Variants in NLRP7 observed in about 807,000 individuals in gnomAD.
The protein encoded by NLRP7 is NACHT, LRR and PYD domains-containing protein 7.
NLRP7 carries 72 observed loss-of-function variants against 85.5 expected under a neutral mutation model. The observed-to-expected ratio is 0.84, with a 90% CI of 0.70 to 1.02. The LOEUF is 1.02. NLRP7 is among the 50% of genes least tolerant of loss of function. The pLI is 0.00. For missense variants in NLRP7, 1,243 were observed against 1,219.5 expected (o/e 1.02, Z -0.29); for synonymous variants, 550 against 505.2 (o/e 1.09, Z -1.19).
rs1295111262 is a variant in NLRP7 at position 54,934,233 on chromosome 19, A to G, written c.2471+256T>C. ...TGGGATTACAGGCATGAGCCACCGCACCCGGCCTGTTTTTGGTATTTTTAA... is the reference window on the plus strand; with the variant it reads ...TGGGATTACAGGCATGAGCCACCGCGCCCGGCCTGTTTTTGGTATTTTTAA... On this transcript the variant is annotated intron_variant, in intron 7 of 9. Transcript: ENST00000340844. This position sits in a 1 kb window ranked among gnomAD's most constrained non-coding sequence, Gnocchi z 6.7. Among the ~76,000 whole-genome samples, 1 of 151,650 alleles carries G rather than the reference A, an allele frequency of 6.6e-6. No individual in the cohort carries two copies. The highest frequency in any genetic ancestry group is 1.5e-5 in the Non-Finnish European group (1 of 67,928).
In NLRP7 at chr19:54,939,023, G is replaced by A. The variant is rs368863576; in HGVS notation, c.1796C>T (p.Thr599Ile). 35 of 1,614,098 alleles carry A rather than the reference G, an allele frequency of 2.2e-5. No individual in the cohort carries two copies. In the African/African-American group the frequency reaches 3.7e-4, roughly 17 times the overall value. ...ACAATGCATCACTTCAGAAGTATTT[G>A]TCAGGTGAATAGAAATTTCCTTGAA... The change falls in exon 4 of 10, where the codon ACA (threonine) becomes ATA (isoleucine). Residue 599 changes from threonine to isoleucine, a missense_variant. By Grantham distance (89) the Thr-to-Ile change is moderately conservative. Around this residue, in one of 3 missense-constraint regions of NLRP7, gnomAD observed 613 missense variants for 588.4 expected, o/e 1.04. Coordinates refer to ENST00000340844, the Ensembl canonical transcript of NLRP7.
intron 8 of NLRP7, among the ~76,000 whole-genome samples, chr19:54,931,222 G>C (rs555075606): frequency 6.6e-6 from 1 of 152,060 alleles, no homozygotes; most frequent in African/African-American, 2.4e-5. Flanking sequence ...AGGAGTTCAA[G>C]ACCAGCCTGG....
rs533979330 is a variant in NLRP7, at chr19:54,927,544, C to T, written c.2810+2955G>A. The stretch of plus-strand genomic sequence containing the variant: ...GCACTCCAGCCTGAATGACAGAGCA[C>T]GACTCCATCTCAAAAAAACAAAAAC... On this transcript the variant is annotated intron_variant, in intron 9 of 9. Transcript: ENST00000340844. The T allele has an allele frequency of 2.1e-4, 327 of 1,534,856 alleles. 3 individuals are homozygous for T. The South Asian group carries it at 2.8e-3, about 13-fold the overall frequency.
In NLRP7 at chr19:54,930,233, G is replaced by A. The variant is rs1052933986; in HGVS notation, c.2810+266C>T. Among the ~76,000 whole-genome samples the A allele has an allele frequency of 1.1e-4, 16 of 151,966 alleles. No individual in the cohort carries two copies. The East Asian group carries it at 1.2e-3, about 11-fold the overall frequency. Reference sequence around the variant, plus strand: ...TGTAATCCTAGCACATTGGGAGGCCGAGGTGGGAGGATTCCTTGAGCACCA... The same window carrying A: ...TGTAATCCTAGCACATTGGGAGGCCAAGGTGGGAGGATTCCTTGAGCACCA... On this transcript the variant is annotated intron_variant, in intron 9 of 9. Transcript: ENST00000340844.
chr19:54,925,529 T>C (rs190808413), intron 9 of NLRP7, among the ~76,000 whole-genome samples: 5 of 151,886 alleles, frequency 3.3e-5, no homozygotes, highest in African/African-American at 1.2e-4. Flanking sequence ...AAGTGGGCTG[T>C]GCACAGTGGC....
chr19:54,944,768 ATT>A (rs1407684585), intron 1 of NLRP7, among the ~76,000 whole-genome samples: 2 of 152,032 alleles, frequency 1.3e-5, no homozygotes, highest in Non-Finnish European at 2.9e-5. Flanking sequence ...CCTTGTCTCT[ATT>A]TTTTAAGTAT....
exon 6 of NLRP7, chr19:54,936,265 G>A: frequency 6.2e-7 from 1 of 1,612,830 alleles, no homozygotes; most frequent in Non-Finnish European, 8.5e-7. Context: ...ACCCACCTCA[G>A]GTACTGCAGG....
chr19:54,939,322 G>T, exon 4 of NLRP7: 1 of 1,614,044 alleles, frequency 6.2e-7, no homozygotes, highest in African/African-American at 1.3e-5. Flanking sequence ...GCTTCTGTAC[G>T]TCCCCGATGT....
chr19:54,955,257 T>C (rs8100034), intron 1 of NLRP7, among the ~76,000 whole-genome samples: 1 of 148,084 alleles, frequency 6.8e-6, no homozygotes, highest in Admixed American at 6.7e-5. Flanking sequence ...TGAACCCGGG[T>C]GGCAGAGGTT....
intron 1 of NLRP7, among the ~76,000 whole-genome samples, chr19:54,944,189 T>G (rs10411425): frequency 0.054 from 8,150 of 151,362 alleles, 265 homozygotes; most frequent in South Asian, 0.086. Context: ...AGGAAGGCCT[T>G]TTTGCAGTTA....
chr19:54,926,512 G>T (rs2068445405), intron 9 of NLRP7, among the ~76,000 whole-genome samples: 1 of 152,118 alleles, frequency 6.6e-6, no homozygotes, highest in Admixed American at 6.6e-5. Context: ...GAGCACAGTG[G>T]CTCACGCCTG....
rs35932435 is a variant in NLRP7, at chr19:54,928,174, T to C, written c.2810+2325A>G. Among the ~76,000 whole-genome samples, 84,099 of 151,686 alleles carry C rather than the reference T, an allele frequency of 0.55. 23,532 individuals are homozygous for C. Among genetic ancestry groups the C allele is most frequent in the East Asian group, 0.72 (3,677 of 5,138 alleles). ...GGCGGAGGTTACAGTGAGCCCAGATTGCGCCACTGCACTCCAGCCTGGGCA... is the reference window on the plus strand; with the variant it reads ...GGCGGAGGTTACAGTGAGCCCAGATCGCGCCACTGCACTCCAGCCTGGGCA... On this transcript the variant is annotated intron_variant, in intron 9 of 9. Coordinates refer to ENST00000340844, the Ensembl canonical transcript of NLRP7.
At chr19:54,953,943 C>G (rs959561873) in intron 1 of NLRP7, among the ~76,000 whole-genome samples, 2 of 151,682 alleles carry the variant, frequency 1.3e-5, no homozygotes, top group African/African-American at 4.8e-5. Flanking sequence ...GGTGATGGAG[C>G]TTGCAGTGAG....
intron 9 of NLRP7, 56 bp from the exon 10 acceptor site, chr19:54,927,831 C>G: frequency 6.7e-7 from 1 of 1,488,222 alleles, no homozygotes; most frequent in Non-Finnish European, 9.4e-7. Context: ...GTGGCTCAAG[C>G]GTGTAATCCC....
chr19:54,925,552 T>G (rs569858985), intron 9 of NLRP7, among the ~76,000 whole-genome samples: 2 of 152,182 alleles, frequency 1.3e-5, no homozygotes, highest in South Asian at 4.1e-4. Context: ...ACGCCTGCAA[T>G]CCGGGTACTT....
At chr19:54,931,883 C>T (rs545390336) in intron 8 of NLRP7, among the ~76,000 whole-genome samples, 25 of 151,732 alleles carry the variant, frequency 1.6e-4, no homozygotes, top group Admixed American at 7.9e-4. Context: ...CTTCTGATTC[C>T]ATCCATTTCC....
exon 4 of NLRP7, chr19:54,938,986 C>T (rs1273620642): frequency 6.2e-7 from 1 of 1,614,228 alleles, no homozygotes. Flanking sequence ...GACAATGCTT[C>T]AGGCTGAAGG....
intron 8 of NLRP7, among the ~76,000 whole-genome samples, chr19:54,932,524 C>T (rs1282048536): frequency 2.6e-5 from 4 of 152,044 alleles, no homozygotes; most frequent in African/African-American, 9.7e-5. Context: ...ATTTTTCTAA[C>T]CATAATTTTA....
chr19:54,937,677 C>G (rs1056719117), intron 5 of NLRP7, among the ~76,000 whole-genome samples: 1 of 152,072 alleles, frequency 6.6e-6, no homozygotes, highest in Admixed American at 6.6e-5. Flanking sequence ...GCAGGCAAAT[C>G]ACCTGAGGTC....
Sources: allele counts gnomAD v4.1 joint callset (sites outside exome capture counted in the v4.1 genomes callset), GRCh38; gene constraint gnomAD v4.1.1; regional missense constraint gnomAD v4.1.1; non-coding constraint Gnocchi (gnomAD v3.1); transcripts MANE v1.5; gene names NCBI Gene and HGNC (gene_info 2026-07-23, HGNC 2026-07-21).